TLE4: variants seen among roughly 807,000 people sequenced by gnomAD.
TLE4 encodes transducin-like enhancer protein 4.
TLE4 carries 8 observed loss-of-function variants against 92.8 expected under a neutral mutation model. That is an observed-to-expected ratio of 0.09 (90% CI 0.05 to 0.16). The LOEUF (loss-of-function observed/expected upper bound fraction) is 0.16, where lower values mean the gene tolerates loss of function less well. TLE4 is among the 10% of genes least tolerant of loss of function. The pLI, the probability that TLE4 is intolerant of heterozygous loss-of-function variation, is 1.00. For synonymous variants in TLE4, 371 were observed against 374.1 expected, an observed-to-expected ratio of 0.99 and a Z score of 0.10; for missense variants, 675 against 997.6, an observed-to-expected ratio of 0.68 and a Z score of 4.36.
intron 4 of TLE4, among the ~76,000 whole-genome samples, chr9:79,599,345 T>G (rs2044967789): frequency 6.6e-6 from 1 of 152,200 alleles, no homozygotes; most frequent in African/African-American, 2.4e-5. Context: ...GCCTGCACAT[T>G]AGATTCACCT....
Position 79,666,759 on chromosome 9 carries a change from A to G in TLE4, c.609+12684A>G, listed in dbSNP as rs147602802. 6.2e-4 allele frequency among the ~76,000 whole-genome samples: 94 copies of G among 152,334 alleles called. No individual in the cohort carries two copies. In the East Asian group the frequency reaches 0.016, roughly 26 times the overall value. ...GGAAAAAAATGCTGCTTGTTTTCTTAGACACACAACATTACATGGAAACAT... is the reference window on the plus strand; with the variant it reads ...GGAAAAAAATGCTGCTTGTTTTCTTGGACACACAACATTACATGGAAACAT... On this transcript the variant is annotated intron_variant, in intron 8 of 19. Transcript: ENST00000376552.
At chr9:79,705,526 T>A (rs2071294089) in intron 9 of TLE4, among the ~76,000 whole-genome samples, 2 of 152,194 alleles carry the variant, frequency 1.3e-5, no homozygotes, top group Non-Finnish European at 2.9e-5. Context: ...TGCAGTTTTT[T>A]AAAATACCAA....
At chr9:79,720,404 G>C in intron 16 of TLE4, 111 bp downstream of exon 16, 4 of 1,235,340 alleles carry the variant, frequency 3.2e-6, no homozygotes, top group Non-Finnish European at 4.3e-6. Context: ...GTGTGTGTGT[G>C]TGTGTGTGTG....
At chr9:79,723,581 A>T (rs991367844) in intron 19 of TLE4, among the ~76,000 whole-genome samples, 1 of 152,166 alleles carries the variant, frequency 6.6e-6, no homozygotes, top group African/African-American at 2.4e-5. Flanking sequence ...GCGTGCACAC[A>T]CACGCTCTCC....
At chr9:79,684,460 TGA>T (rs2065373958) in intron 8 of TLE4, among the ~76,000 whole-genome samples, 1 of 38,996 alleles carries the variant, frequency 2.6e-5, no homozygotes, top group African/African-American at 4.1e-5. Context: ...TACTCTATTG[TGA>T]ACTGTGCAAT....
intron 5 of TLE4, among the ~76,000 whole-genome samples, chr9:79,622,490 G>A (rs1044883130): frequency 3.3e-5 from 5 of 152,122 alleles, no homozygotes; most frequent in African/African-American, 1.2e-4. Context: ...AGCTTCCTAA[G>A]GGAATCTTCC....
chr9:79,648,636 A>G (rs1414590780), intron 6 of TLE4, among the ~76,000 whole-genome samples: 1 of 152,236 alleles, frequency 6.6e-6, no homozygotes, highest in Admixed American at 6.5e-5. Flanking sequence ...TAAAATAATC[A>G]GCATGTGAGG....
intron 4 of TLE4, among the ~76,000 whole-genome samples, chr9:79,584,513 A>G (rs2040569584): frequency 6.6e-6 from 1 of 152,144 alleles, no homozygotes; most frequent in South Asian, 2.1e-4. Flanking sequence ...CTCTCGTGCT[A>G]GATTGTAAGC....
chr9:79,575,928 G>C (rs914796146), intron 3 of TLE4: 2 of 383,586 alleles, frequency 5.2e-6, no homozygotes, highest in African/African-American at 4.1e-5. Flanking sequence ...ATTTTTCTTA[G>C]TTTTGTGTGT....
At position 79,691,115 on chromosome 9, in the gene TLE4, C is replaced by T. The variant is rs141067094; in HGVS notation, c.610-13668C>T. Among the ~76,000 whole-genome samples the T allele has an allele frequency of 2.6e-3, 399 of 152,246 alleles. 1 individual carries two copies. Among genetic ancestry groups the T allele is most frequent in the African/African-American group, 9.2e-3 (381 of 41,542 alleles). On this transcript the variant is annotated intron_variant, in intron 8 of 19. Transcript: ENST00000376552. ...CAGATTCATCCTCTTCCCCCTTCCC[C>T]AGTAGCCCTCCAGTCTAAACCACCA... is the stretch of plus-strand genomic sequence containing the variant.
At chr9:79,691,007 A>C (rs1395199640) in intron 8 of TLE4, among the ~76,000 whole-genome samples, 2 of 152,014 alleles carry the variant, frequency 1.3e-5, no homozygotes, top group African/African-American at 4.8e-5. Context: ...TTATATTGAC[A>C]AACTTGATTC....
At chr9:79,621,243 C>G (rs978024227) in intron 5 of TLE4, among the ~76,000 whole-genome samples, 1 of 152,138 alleles carries the variant, frequency 6.6e-6, no homozygotes, top group Non-Finnish European at 1.5e-5. Flanking sequence ...GCGACACTTT[C>G]ACTTGAATTT....
rs1292919854 is a variant in TLE4 at position 79,618,260 on chromosome 9, A to G, written c.315+5542A>G. Among the ~76,000 whole-genome samples, 3 of 152,248 alleles carry G rather than the reference A, an allele frequency of 2.0e-5. No homozygotes were observed. In the South Asian group the frequency reaches 6.2e-4, roughly 31 times the overall value. ...TACTGCTAATGGTTTATCTTTACAT[A>G]ACAAACTCTAGCTTTGACTATGTAA... On this transcript the variant is annotated intron_variant, in intron 5 of 19. Transcript: ENST00000376552.
intron 14 of TLE4, among the ~76,000 whole-genome samples, chr9:79,712,525 A>T (rs2073579143): frequency 6.6e-6 from 1 of 152,238 alleles, no homozygotes; most frequent in Non-Finnish European, 1.5e-5. Flanking sequence ...ATACATACCC[A>T]CAATGTAACT....
In TLE4 at chr9:79,612,536, C is replaced by G. The variant is rs2048599116; in HGVS notation, c.253-120C>G. On this transcript the variant is annotated intron_variant, in intron 4 of 19. Coordinates refer to ENST00000376552, the MANE Select transcript of TLE4 (RefSeq NM_007005.6). The stretch of plus-strand genomic sequence containing the variant: ...TACTGATGAGATAGTTTTCCTCTTC[C>G]TTAGGAAATATGCCAGCCAAATTAT... The G allele has an allele frequency of 3.3e-6, 3 of 913,956 alleles. No homozygotes were observed. In the Admixed American group the frequency reaches 5.7e-5, roughly 17 times the overall value. The allele number at this position is 913,956 out of a possible 1,614,324, so 56.6% of individuals were successfully genotyped here.
At chr9:79,722,631 T>G in intron 18 of TLE4, 30 bp downstream of exon 18, 4 of 1,609,566 alleles carry the variant, frequency 2.5e-6, no homozygotes, top group Non-Finnish European at 3.4e-6. Flanking sequence ...CCATTTTCTG[T>G]CAACCAGAAT....
At chr9:79,676,956 G>A (rs2063372374) in intron 8 of TLE4, among the ~76,000 whole-genome samples, 1 of 152,082 alleles carries the variant, frequency 6.6e-6, no homozygotes, top group Admixed American at 6.6e-5. Flanking sequence ...TGTGTTTGAA[G>A]ATGCATTTCC....
At chr9:79,576,103 T>C (rs765085389) in intron 3 of TLE4, 30 bp from the exon 4 acceptor site, 5 of 1,428,796 alleles carry the variant, frequency 3.5e-6, no homozygotes, top group Non-Finnish European at 4.7e-6. Context: ...ATGAAAGTCA[T>C]GCATTTAATT....
chr9:79,700,279 T>A (rs1483764427), intron 8 of TLE4, among the ~76,000 whole-genome samples: 1 of 152,246 alleles, frequency 6.6e-6, no homozygotes, highest in Non-Finnish European at 1.5e-5. Flanking sequence ...TCCAGAGAGA[T>A]GCTCTTGCCT....
Sources: allele counts gnomAD v4.1 joint callset (sites outside exome capture counted in the v4.1 genomes callset), GRCh38; gene constraint gnomAD v4.1.1; transcripts MANE v1.5; gene names NCBI Gene and HGNC (gene_info 2026-07-23, HGNC 2026-07-21).